PABPC4L: variants seen among roughly 807,000 people sequenced by gnomAD.
PABPC4L encodes the protein poly(A) binding protein cytoplasmic 4 like, also known as polyadenylate-binding protein 4-like.
For synonymous variants in PABPC4L, 169 were observed against 164.1 expected, an observed-to-expected ratio of 1.03 and a Z score of -0.23; for missense variants, 452 against 451.4, an observed-to-expected ratio of 1.00 and a Z score of -0.01.
chr4:134,037,942 T>C, the PABPC4L span, among the ~76,000 whole-genome samples: 1 of 152,182 alleles, frequency 6.6e-6, no homozygotes, highest in Admixed American at 6.6e-5. Flanking sequence ...CCATTCAGTA[T>C]GATATTGGCT....
chr4:134,189,390 G>A, the PABPC4L span, among the ~76,000 whole-genome samples: 1 of 151,306 alleles, frequency 6.6e-6, no homozygotes, highest in Non-Finnish European at 1.5e-5. Flanking sequence ...TTGTTGACAG[G>A]CAGATGTGTG....
the PABPC4L span, among the ~76,000 whole-genome samples, chr4:134,020,183 C>A: frequency 6.6e-6 from 1 of 151,966 alleles, no homozygotes; most frequent in Admixed American, 6.6e-5. Context: ...AAAGTAAAGG[C>A]AAGTTTATTA....
the PABPC4L span, among the ~76,000 whole-genome samples, chr4:134,150,437 T>C: frequency 6.6e-6 from 1 of 152,270 alleles, no homozygotes; most frequent in Non-Finnish European, 1.5e-5. Flanking sequence ...AGTATGTCTT[T>C]GTTGACTTAT....
the PABPC4L span, among the ~76,000 whole-genome samples, chr4:133,998,969 A>T: frequency 1.3e-5 from 2 of 152,038 alleles, no homozygotes; most frequent in Admixed American, 1.3e-4. Context: ...TGATCAATAG[A>T]CCCTCATTTT....
At chr4:134,147,525 G>A in the PABPC4L span, among the ~76,000 whole-genome samples, 6 of 152,004 alleles carry the variant, frequency 3.9e-5, no homozygotes, top group Non-Finnish European at 1.5e-5. Flanking sequence ...TTATTATATA[G>A]GAGATAACAT....
chr4:134,004,371 C>A, the PABPC4L span, among the ~76,000 whole-genome samples: 1 of 151,790 alleles, frequency 6.6e-6, no homozygotes, highest in Non-Finnish European at 1.5e-5. Context: ...ATACAAAAGG[C>A]CAACAGGTAT....
At chr4:134,180,635 G>A in the PABPC4L span, among the ~76,000 whole-genome samples, 1 of 151,220 alleles carries the variant, frequency 6.6e-6, no homozygotes, top group East Asian at 2.0e-4. Flanking sequence ...CCTCTAGCTA[G>A]ACTAATAAAG....
the PABPC4L span, among the ~76,000 whole-genome samples, chr4:134,054,649 C>G: frequency 1.3e-5 from 2 of 151,890 alleles, no homozygotes; most frequent in African/African-American, 2.4e-5. Flanking sequence ...AGTATGTGAT[C>G]ACTTGAGATT....
chr4:134,022,338 T>C, the PABPC4L span, among the ~76,000 whole-genome samples: 151 of 152,214 alleles, frequency 9.9e-4, 2 homozygotes, highest in South Asian at 0.029. Context: ...TTTGATAACA[T>C]CCCCAAAATC....
chr4:134,001,075 C>G, the PABPC4L span, among the ~76,000 whole-genome samples: 2 of 151,950 alleles, frequency 1.3e-5, no homozygotes, highest in African/African-American at 4.8e-5. Flanking sequence ...AGAGAGGTTA[C>G]GTAACGTTTT....
At chr4:133,983,468 C>T in the PABPC4L span, among the ~76,000 whole-genome samples, 30 of 151,750 alleles carry the variant, frequency 2.0e-4, no homozygotes, top group Non-Finnish European at 4.3e-4. Flanking sequence ...CCTGAACTGA[C>T]ATAAGCCCAG....
the PABPC4L span, among the ~76,000 whole-genome samples, chr4:134,077,463 T>C: frequency 6.6e-6 from 1 of 152,142 alleles, no homozygotes; most frequent in Non-Finnish European, 1.5e-5. Flanking sequence ...TGTAATTACA[T>C]TATGCAAATT....
chr4:134,050,706 C>CAA, the PABPC4L span, among the ~76,000 whole-genome samples: 39 of 82,982 alleles, frequency 4.7e-4, no homozygotes, highest in Non-Finnish European at 7.4e-4. Flanking sequence ...CACCGTCTCC[C>CAA]AAAAAAAAAA....
At chr4:134,010,515 T>C in the PABPC4L span, 1 of 152,132 alleles carries the variant, frequency 6.6e-6, no homozygotes, top group African/African-American at 2.4e-5. Flanking sequence ...TGGATTAAAA[T>C]AATAAAAGCT....
the PABPC4L span, among the ~76,000 whole-genome samples, chr4:134,100,310 A>G: frequency 1.4e-3 from 210 of 151,828 alleles, 1 homozygote; most frequent in Admixed American, 0.012. Flanking sequence ...TGTAAATTGA[A>G]TTTTTATAAA....
the PABPC4L span, among the ~76,000 whole-genome samples, chr4:134,133,500 CA>C: frequency 6.8e-6 from 1 of 148,006 alleles, no homozygotes; most frequent in African/African-American, 2.5e-5. Flanking sequence ...ACTACTCAGC[CA>C]TAAAAATGAA....
the PABPC4L span, among the ~76,000 whole-genome samples, chr4:134,149,826 C>A: frequency 6.6e-6 from 1 of 152,150 alleles, no homozygotes; most frequent in South Asian, 2.1e-4. Context: ...TGAAAAGGAT[C>A]CAATGTAATC....
chr4:134,021,423 C>T, the PABPC4L span, among the ~76,000 whole-genome samples: 4 of 152,088 alleles, frequency 2.6e-5, no homozygotes, highest in Non-Finnish European at 4.4e-5. Flanking sequence ...TAATAGCTTG[C>T]GCTTTCAGGT....
At chr4:133,954,685 GTACATT>G in the PABPC4L span, among the ~76,000 whole-genome samples, 1 of 151,652 alleles carries the variant, frequency 6.6e-6, no homozygotes, top group African/African-American at 2.4e-5. Flanking sequence ...TTTTCCCCGT[GTACATT>G]TACATTTATA....
Sources: allele counts gnomAD v4.1 joint callset (sites outside exome capture counted in the v4.1 genomes callset), GRCh38; gene constraint gnomAD v4.1.1; transcripts MANE v1.5; gene names NCBI Gene and HGNC (gene_info 2026-07-23, HGNC 2026-07-21).